Variants in ARMC1 observed in about 807,000 individuals in gnomAD.
ARMC1 encodes the protein armadillo repeat containing 1.
Under a neutral mutation model 31.4 loss-of-function variants are expected in ARMC1, and 16 were observed. The ratio of observed to expected loss-of-function variants is 0.51; its 90% CI spans 0.34 to 0.77. The LOEUF (loss-of-function observed/expected upper bound fraction) is 0.77, where lower values mean the gene tolerates loss of function less well. Ranked by LOEUF, ARMC1 falls within the 30% of genes least tolerant of loss-of-function variation. The pLI is 0.01. For missense variants in ARMC1, 259 were observed against 347.5 expected, an observed-to-expected ratio of 0.75 and a Z score of 2.02; for synonymous variants, 114 against 118.9, an observed-to-expected ratio of 0.96 and a Z score of 0.27.
intron 1 of ARMC1, chr8:65,633,763 G>C (rs961344248): frequency 6.6e-6 from 1 of 152,304 alleles, no homozygotes; most frequent in African/African-American, 2.4e-5. Flanking sequence ...ATAATACTGG[G>C]GTTAGTAAAA....
intron 1 of ARMC1, among the ~76,000 whole-genome samples, chr8:65,631,849 T>C (rs893147714): frequency 6.8e-6 from 1 of 146,752 alleles, no homozygotes; most frequent in African/African-American, 2.5e-5. Flanking sequence ...GCCACTTTAC[T>C]ACAGCATGGA....
intron 2 of ARMC1, among the ~76,000 whole-genome samples, chr8:65,625,540 TTCTAG>T (rs1312232656): frequency 2.6e-5 from 4 of 152,224 alleles, no homozygotes; most frequent in African/African-American, 9.6e-5. Flanking sequence ...CTTAGACATA[TTCTAG>T]TCTATTTAAA....
At chr8:65,621,438 C>A (rs1808391802) in intron 3 of ARMC1, among the ~76,000 whole-genome samples, 1 of 152,194 alleles carries the variant, frequency 6.6e-6, no homozygotes, top group Non-Finnish European at 1.5e-5. Context: ...AATTATATTA[C>A]AAAGTCACAC....
rs565291915 is a variant in ARMC1, at chr8:65,624,297, A to G, written c.184-1943T>C. 3.9e-4 allele frequency among the ~76,000 whole-genome samples: 59 copies of G among 151,236 alleles called. 1 individual carries two copies. The highest frequency in any genetic ancestry group is 7.1e-4 in the Non-Finnish European group (48 of 67,800). On this transcript the variant is annotated intron_variant, in intron 2 of 6. Transcript: ENST00000276569. ...GCAGATCACCTGAACTCAGGAGTTC[A>G]AGACCAGCCTGGCCAACATGGCGAA...
intron 2 of ARMC1, among the ~76,000 whole-genome samples, chr8:65,623,443 T>C (rs1258644888): frequency 6.6e-6 from 1 of 151,412 alleles, no homozygotes; most frequent in African/African-American, 2.4e-5. Flanking sequence ...ACCCCGTTTC[T>C]ACTAAAAATA....
intron 3 of ARMC1, among the ~76,000 whole-genome samples, chr8:65,614,067 T>C (rs2129041921): frequency 6.6e-6 from 1 of 152,252 alleles, no homozygotes; most frequent in Admixed American, 6.5e-5. Context: ...CAACTCTCAA[T>C]TTGAAAGTAC....
intron 1 of ARMC1, among the ~76,000 whole-genome samples, chr8:65,628,537 G>A (rs1056606076): frequency 1.3e-5 from 2 of 149,034 alleles, no homozygotes; most frequent in South Asian, 2.2e-4. Context: ...ATGAGCCACC[G>A]TGTCCAGCCT....
intron 6 of ARMC1, among the ~76,000 whole-genome samples, 164 bp downstream of exon 6, chr8:65,605,099 C>T (rs1225200732): frequency 6.6e-6 from 1 of 152,166 alleles, no homozygotes; most frequent in Non-Finnish European, 1.5e-5. Flanking sequence ...ACTCTGATAT[C>T]CACAAAAGAT....
intron 3 of ARMC1, among the ~76,000 whole-genome samples, chr8:65,616,394 C>T (rs1042173272): frequency 1.3e-5 from 2 of 152,336 alleles, no homozygotes; most frequent in East Asian, 1.9e-4. Context: ...CTCGGCCTCC[C>T]GAGGTGCCGG....
chr8:65,618,162 C>T (rs1808315706), intron 3 of ARMC1, among the ~76,000 whole-genome samples: 1 of 152,050 alleles, frequency 6.6e-6, no homozygotes, highest in Non-Finnish European at 1.5e-5. Flanking sequence ...GATACACCCG[C>T]CTCGGCCTCC....
At chr8:65,622,415 T>C (rs1019570242) in intron 2 of ARMC1, 61 bp from the exon 3 acceptor site, 5 of 1,285,372 alleles carry the variant, frequency 3.9e-6, no homozygotes, top group Non-Finnish European at 5.5e-6. Flanking sequence ...TTGAAACTAC[T>C]ACTAATTTAC....
chr8:65,633,322 C>T (rs1808692060), intron 1 of ARMC1, among the ~76,000 whole-genome samples: 1 of 152,226 alleles, frequency 6.6e-6, no homozygotes, highest in Non-Finnish European at 1.5e-5. Flanking sequence ...TCCCCTTACT[C>T]GAAGAGTTAA....
intron 1 of ARMC1, among the ~76,000 whole-genome samples, chr8:65,632,032 C>G (rs975654614): frequency 6.6e-6 from 1 of 152,172 alleles, no homozygotes; most frequent in South Asian, 2.1e-4. Context: ...GGGTCTCGCT[C>G]TGTTGCCCAG....
At chr8:65,615,834 G>A (rs191024343) in intron 3 of ARMC1, among the ~76,000 whole-genome samples, 64 of 152,254 alleles carry the variant, frequency 4.2e-4, no homozygotes, top group African/African-American at 1.5e-3. Flanking sequence ...GGCGGAGGTT[G>A]CAGTGGGCCG....
intron 3 of ARMC1, among the ~76,000 whole-genome samples, chr8:65,616,511 G>A (rs1808262701): frequency 6.6e-6 from 1 of 152,196 alleles, no homozygotes; most frequent in African/African-American, 2.4e-5. Flanking sequence ...CGCCTGCCTT[G>A]GCCTCCCAAA....
intron 2 of ARMC1, among the ~76,000 whole-genome samples, chr8:65,624,000 G>A (rs1331697868): frequency 6.6e-6 from 1 of 150,670 alleles, no homozygotes; most frequent in African/African-American, 2.4e-5. Context: ...TTTTTGCCAT[G>A]TTGGCCAGGC....
At chr8:65,614,911 A>G (rs971737121) in intron 3 of ARMC1, among the ~76,000 whole-genome samples, 1 of 152,196 alleles carries the variant, frequency 6.6e-6, no homozygotes, top group Non-Finnish European at 1.5e-5. Context: ...CATTCAGAGT[A>G]CTATGCTTGT....
At chr8:65,618,363 A>C (rs1348253277) in intron 3 of ARMC1, among the ~76,000 whole-genome samples, 1 of 151,856 alleles carries the variant, frequency 6.6e-6, no homozygotes, top group Non-Finnish European at 1.5e-5. Flanking sequence ...TCTACTAAAA[A>C]TACAAAAAAT....
chr8:65,611,669 T>C (rs2129041585), intron 4 of ARMC1, among the ~76,000 whole-genome samples: 1 of 152,304 alleles, frequency 6.6e-6, no homozygotes, highest in Admixed American at 6.5e-5. Flanking sequence ...GTTAGGCATC[T>C]GGAGCTAATG....
Sources: allele counts gnomAD v4.1 joint callset (sites outside exome capture counted in the v4.1 genomes callset), GRCh38; gene constraint gnomAD v4.1.1; transcripts MANE v1.5; gene names NCBI Gene and HGNC (gene_info 2026-07-23, HGNC 2026-07-21).